ERI1: variants seen among roughly 807,000 people sequenced by gnomAD.
ERI1 encodes exoribonuclease 1, also known as 3'-5' exoribonuclease 1.
In ERI1, 39 loss-of-function variants were observed where a neutral mutation model predicts 39.7. The ratio of observed to expected loss-of-function variants is 0.98; its 90% confidence interval spans 0.76 to 1.28. The LOEUF is 1.28. Ranked by LOEUF, ERI1 falls within the 50% of genes most tolerant of loss-of-function variation. The pLI is 0.00. For missense variants in ERI1, 581 were observed against 416.9 expected, an observed-to-expected ratio of 1.39 and a Z score of -3.43; for synonymous variants, 204 against 149.6, an observed-to-expected ratio of 1.36 and a Z score of -2.65.
At chr8:9,099,232 C>A (rs541516400) in intron 3 of ERI1, among the ~76,000 whole-genome samples, 1 of 152,102 alleles carries the variant, frequency 6.6e-6, no homozygotes, top group Non-Finnish European at 1.5e-5. Flanking sequence ...CTTGTGCTCT[C>A]TTCTTCCTTC....
intron 6 of ERI1, among the ~76,000 whole-genome samples, chr8:9,021,908 C>T (rs536514577): frequency 1.3e-4 from 20 of 150,870 alleles, no homozygotes; most frequent in African/African-American, 4.4e-4. Flanking sequence ...CTTTGGCTGG[C>T]CATTTGGATT....
At chr8:9,011,464 C>T (rs773842424) in intron 2 of ERI1, 78 bp from the exon 3 acceptor site, 4 of 913,170 alleles carry the variant, frequency 4.4e-6, no homozygotes, top group Middle Eastern at 3.1e-4. Flanking sequence ...AGTGTTCAGC[C>T]CAGTGCCAGC....
chr8:9,004,013 G>T lies in ERI1; in HGVS notation c.108+842G>T, dbSNP rs982131711. On this transcript the variant is annotated intron_variant, in intron 1 of 6. Coordinates refer to ENST00000250263, the MANE Select transcript of ERI1 (RefSeq NM_153332.4). Reference sequence around the variant, plus strand: ...TCACTTCCATTTGCTGCTCTGCGGGGTCGGGTGCCTGCCTCCCTTGGTAAT... The same window carrying T: ...TCACTTCCATTTGCTGCTCTGCGGGTTCGGGTGCCTGCCTCCCTTGGTAAT... 9 of 1,157,762 alleles carry T rather than the reference G, an allele frequency of 7.8e-6. No individual in the cohort carries two copies. The African/African-American group carries it at 1.1e-4, about 14-fold the overall frequency. 71.7% of individuals were successfully genotyped at this position (1,157,762 alleles called of 1,614,324 possible). A position where few individuals can be genotyped will look rare whatever the true frequency, so the allele number is the denominator to read the frequency against.
chr8:9,069,126 T>C (rs1194539221), intron 3 of ERI1, among the ~76,000 whole-genome samples: 1 of 152,098 alleles, frequency 6.6e-6, no homozygotes, highest in Non-Finnish European at 1.5e-5. Flanking sequence ...CCATTTTAAA[T>C]ATTTATTAAA....
chr8:9,047,478 C>T (rs1447092471), intron 3 of ERI1, among the ~76,000 whole-genome samples: 1 of 151,952 alleles, frequency 6.6e-6, no homozygotes, highest in African/African-American at 2.4e-5. Context: ...GTCACCTGAC[C>T]AGCCTGGGCA....
intron 3 of ERI1, among the ~76,000 whole-genome samples, chr8:9,083,851 T>G (rs6992369): frequency 0.085 from 12,973 of 151,874 alleles, 1,724 homozygotes; most frequent in African/African-American, 0.28. Flanking sequence ...TGGAGTGCAG[T>G]GGTGTGATCT....
intron 2 of ERI1, among the ~76,000 whole-genome samples, chr8:9,010,374 C>T (rs1384136884): frequency 6.6e-6 from 1 of 152,180 alleles, no homozygotes; most frequent in Non-Finnish European, 1.5e-5. Context: ...ACAGAGGTCA[C>T]TCACAGTGCC....
In ERI1 at chr8:9,016,381, C is replaced by T. The variant is rs1252437825; in HGVS notation, c.558C>T (p.Cys186=). The part of the protein sequence containing the change: ...PEINTQLSDF[C]ISLTGITQDQ... ...TTAACACACAGCTGTCTGATTTCTG[C>T]ATCAGTCTAACTGGAATTACTCAGG... The change falls in exon 4 of 7, where the codon TGC becomes TGT. Residue 186 remains cysteine, a synonymous_variant. Coordinates refer to ENST00000250263, the MANE Select transcript of ERI1 (RefSeq NM_153332.4). 1 of 1,606,308 alleles carries T rather than the reference C, an allele frequency of 6.2e-7. No homozygotes were observed. The highest frequency in any genetic ancestry group is 1.3e-5 in the African/African-American group (1 of 74,604).
chr8:9,042,807 G>T (rs908696860), intron 3 of ERI1, among the ~76,000 whole-genome samples: 1 of 152,072 alleles, frequency 6.6e-6, no homozygotes, highest in Non-Finnish European at 1.5e-5. Flanking sequence ...AATATAATAC[G>T]GATATTCCAA....
intron 3 of ERI1, among the ~76,000 whole-genome samples, chr8:9,057,350 G>T (rs915096770): frequency 6.6e-5 from 10 of 152,068 alleles, no homozygotes; most frequent in African/African-American, 2.4e-4. Context: ...CAGGTGCTTT[G>T]CCCAACTCTG....
In ERI1 at chr8:9,040,989, C is replaced by CGT. The variant is rs1282976348; in HGVS notation, n.299+20525_299+20526insGT. Reference sequence around the variant, plus strand: ...TCCTGGGCCATGCTGAAATTGCATGCATACAAGGTATAGCGTAATGAGACC... The same window carrying CGT: ...TCCTGGGCCATGCTGAAATTGCATGCGTATACAAGGTATAGCGTAATGAGACC... On this transcript the variant is annotated intron_variant and non_coding_transcript_variant, in intron 3 of 3. Transcript: ENST00000518663. Among the ~76,000 whole-genome samples the CGT allele has an allele frequency of 2.6e-5, 4 of 152,346 alleles. No individual in the cohort carries two copies. The South Asian group carries it at 6.2e-4, about 24-fold the overall frequency.
intron 3 of ERI1, among the ~76,000 whole-genome samples, chr8:9,076,906 A>G (rs1799227638): frequency 6.6e-6 from 1 of 152,206 alleles, no homozygotes; most frequent in African/African-American, 2.4e-5. Flanking sequence ...GATTTAGAAG[A>G]TAGAGATTTA....
intron 3 of ERI1, among the ~76,000 whole-genome samples, chr8:9,012,457 C>A (rs1035482240): frequency 2.0e-5 from 3 of 152,196 alleles, no homozygotes; most frequent in Admixed American, 6.5e-5. Context: ...CAGTTGCTAC[C>A]AACCCACTTG....
chr8:9,060,038 C>T (rs1798641816), intron 3 of ERI1, among the ~76,000 whole-genome samples: 1 of 152,156 alleles, frequency 6.6e-6, no homozygotes, highest in South Asian at 2.1e-4. Flanking sequence ...AAGTATTGTC[C>T]AGTCCTTTTT....
chr8:9,042,246 C>G (rs188597600), intron 3 of ERI1, among the ~76,000 whole-genome samples: 1 of 152,146 alleles, frequency 6.6e-6, no homozygotes, highest in Non-Finnish European at 1.5e-5. Flanking sequence ...GTTTTGTACG[C>G]TGTGTCCTTG....
chr8:9,022,481 A>C (rs545096407), intron 6 of ERI1, among the ~76,000 whole-genome samples: 90 of 152,168 alleles, frequency 5.9e-4, no homozygotes, highest in African/African-American at 2.0e-3. Context: ...GCTCACTGCA[A>C]CCCTGTCTCT....
intron 3 of ERI1, among the ~76,000 whole-genome samples, chr8:9,097,622 T>C (rs1799916544): frequency 6.6e-6 from 1 of 150,788 alleles, no homozygotes. Flanking sequence ...TGAGCCAAGA[T>C]TGTGCCACTG....
chr8:9,005,500 AAC>A (rs1426918462), intron 1 of ERI1, among the ~76,000 whole-genome samples: 1 of 151,442 alleles, frequency 6.6e-6, no homozygotes, highest in Non-Finnish European at 1.5e-5. Context: ...TAAGTTCAAC[AAC>A]AGTTTTTTTA....
At chr8:9,045,694 T>A (rs1014290772) in intron 3 of ERI1, among the ~76,000 whole-genome samples, 3 of 142,482 alleles carry the variant, frequency 2.1e-5, no homozygotes, top group African/African-American at 8.4e-5. Context: ...TTTTTTTTTT[T>A]GAGATGGAGT....
Sources: gnomAD v4.1 joint callset for allele counts (sites outside exome capture counted in the v4.1 genomes callset) on GRCh38, gnomAD v4.1.1 for gene constraint, MANE v1.5 for transcripts, NCBI Gene and HGNC (gene_info 2026-07-23, HGNC 2026-07-21) for gene names.